Variants in MACROD2 observed in about 807,000 individuals in gnomAD.
MACROD2 encodes the protein ADP-ribose glycohydrolase MACROD2.
MACROD2 carries 36 observed loss-of-function variants against 70.4 expected under a neutral mutation model. That is an observed-to-expected ratio of 0.51 (90% CI 0.39 to 0.68). The LOEUF (loss-of-function observed/expected upper bound fraction) is 0.68, where lower values mean the gene tolerates loss of function less well. Ranked by LOEUF, MACROD2 falls within the 30% of genes least tolerant of loss-of-function variation. The pLI, the probability that MACROD2 is intolerant of heterozygous loss-of-function variation, is 0.00. For synonymous variants in MACROD2, 172 were observed against 178.8 expected (o/e 0.96, Z 0.30); for missense variants, 496 against 538.4 (o/e 0.92, Z 0.78).
intron 8 of MACROD2, among the ~76,000 whole-genome samples, chr20:15,640,542 G>T (rs1038230536): frequency 6.6e-6 from 1 of 152,198 alleles, no homozygotes; most frequent in Non-Finnish European, 1.5e-5. Flanking sequence ...TCTATCTGCC[G>T]TTACACAAAC....
intron 2 of MACROD2, among the ~76,000 whole-genome samples, chr20:14,028,398 C>T (rs1009711120): frequency 4.6e-5 from 7 of 152,162 alleles, no homozygotes; most frequent in African/African-American, 1.7e-4. Context: ...CACTTGGTTC[C>T]CTGGCTTCAG....
intron 5 of MACROD2, among the ~76,000 whole-genome samples, chr20:15,207,436 G>T (rs1378147337): frequency 1.7e-3 from 143 of 84,562 alleles, no homozygotes; most frequent in Middle Eastern, 9.6e-3. Context: ...TTTGTTTCTG[G>T]TTTTTTTTTT....
intron 3 of MACROD2, among the ~76,000 whole-genome samples, chr20:14,150,825 T>C (rs79621247): frequency 0.023 from 3,570 of 152,276 alleles, 132 homozygotes; most frequent in African/African-American, 0.08. Context: ...TAGTCAATTA[T>C]GAATTTACCA....
chr20:15,307,240 A>G (rs2077706826), intron 6 of MACROD2, among the ~76,000 whole-genome samples: 1 of 152,230 alleles, frequency 6.6e-6, no homozygotes, highest in African/African-American at 2.4e-5. Flanking sequence ...CACAGGCTAT[A>G]GTAGGGAAAG....
chr20:15,979,969 C>T (rs1004507166), intron 13 of MACROD2, among the ~76,000 whole-genome samples: 5 of 152,122 alleles, frequency 3.3e-5, no homozygotes, highest in African/African-American at 9.7e-5. Context: ...CCTTAAAATC[C>T]GAGCTCCCCG....
intron 15 of MACROD2, among the ~76,000 whole-genome samples, chr20:16,026,730 A>G (rs1023842836): frequency 6.6e-6 from 1 of 151,926 alleles, no homozygotes; most frequent in African/African-American, 2.4e-5. Context: ...AGTTTTTTTT[A>G]TTTTTTGAGG....
At chr20:15,849,144 C>T (rs2064268175) in intron 8 of MACROD2, among the ~76,000 whole-genome samples, 2 of 152,288 alleles carry the variant, frequency 1.3e-5, no homozygotes, top group South Asian at 4.1e-4. Flanking sequence ...CATGCACACA[C>T]ACACTCACAC....
intron 8 of MACROD2, among the ~76,000 whole-genome samples, chr20:15,744,722 AC>A (rs1341390840): frequency 6.8e-6 from 1 of 147,654 alleles, no homozygotes; most frequent in East Asian, 2.2e-4. Context: ...ACACACACAC[AC>A]ACACACACAC....
At chr20:14,762,195 G>A (rs1170731207) in intron 5 of MACROD2, among the ~76,000 whole-genome samples, 1 of 152,034 alleles carries the variant, frequency 6.6e-6, no homozygotes, top group Non-Finnish European at 1.5e-5. Context: ...TTTTATGCCC[G>A]CCAGGGTCTG....
intron 3 of MACROD2, among the ~76,000 whole-genome samples, chr20:14,347,605 G>A (rs1427704405): frequency 6.6e-6 from 1 of 152,170 alleles, no homozygotes; most frequent in African/African-American, 2.4e-5. Context: ...TTCCAGGGAA[G>A]AGAGATGAGG....
intron 3 of MACROD2, among the ~76,000 whole-genome samples, chr20:14,351,990 CT>C (rs1343854709): frequency 6.6e-6 from 1 of 152,054 alleles, no homozygotes; most frequent in Non-Finnish European, 1.5e-5. Flanking sequence ...TGATCAGATA[CT>C]TTTTGTCTTT....
chr20:15,426,750 T>C (rs1655102837), intron 6 of MACROD2, among the ~76,000 whole-genome samples: 1 of 152,124 alleles, frequency 6.6e-6, no homozygotes, highest in Non-Finnish European at 1.5e-5. Flanking sequence ...CTAATGTCAT[T>C]CTCCAAATTC....
At chr20:14,145,219 GTTT>G (rs2054929678) in intron 3 of MACROD2, among the ~76,000 whole-genome samples, 1 of 152,060 alleles carries the variant, frequency 6.6e-6, no homozygotes, top group South Asian at 2.1e-4. Flanking sequence ...TTTCACCACA[GTTT>G]TTTTGTATTA....
intron 8 of MACROD2, among the ~76,000 whole-genome samples, chr20:15,553,941 G>C (rs996415157): frequency 1.3e-5 from 2 of 152,138 alleles, no homozygotes; most frequent in Non-Finnish European, 2.9e-5. Context: ...AGAAATTTTA[G>C]GCATTAGGAC....
At chr20:14,863,012 G>T (rs1000991254) in intron 5 of MACROD2, among the ~76,000 whole-genome samples, 8 of 151,812 alleles carry the variant, frequency 5.3e-5, no homozygotes, top group Admixed American at 2.0e-4. Flanking sequence ...GGTTCACCTT[G>T]CATGAAGCCA....
At chr20:14,442,179 G>A (rs556140568) in intron 3 of MACROD2, among the ~76,000 whole-genome samples, 3 of 152,072 alleles carry the variant, frequency 2.0e-5, no homozygotes, top group South Asian at 4.2e-4. Context: ...CTGAGACAGG[G>A]GAATCACTTG....
At chr20:15,513,240 CTAAA>C (rs2047522876) in intron 8 of MACROD2, among the ~76,000 whole-genome samples, 1 of 152,204 alleles carries the variant, frequency 6.6e-6, no homozygotes, top group African/African-American at 2.4e-5. Flanking sequence ...AAGCGAACCC[CTAAA>C]TAGTCACGTT....
chr20:14,846,408 A>G (rs1398739851), intron 5 of MACROD2, among the ~76,000 whole-genome samples: 1 of 151,290 alleles, frequency 6.6e-6, no homozygotes, highest in Non-Finnish European at 1.5e-5. Flanking sequence ...TATTTTTAGT[A>G]AAGATGGGGT....
chr20:15,499,675 T>G, intron 7 of MACROD2, 99 bp from the exon 8 acceptor site: 1 of 1,030,304 alleles, frequency 9.7e-7, no homozygotes, highest in Non-Finnish European at 1.5e-6. Context: ...TTGAACTGAA[T>G]GTTGTTTAAA....
Sources: gnomAD v4.1 joint callset for allele counts (sites outside exome capture counted in the v4.1 genomes callset) on GRCh38, gnomAD v4.1.1 for gene constraint, MANE v1.5 for transcripts, NCBI Gene and HGNC (gene_info 2026-07-23, HGNC 2026-07-21) for gene names.